Variants in TMEM117 observed in about 807,000 individuals in gnomAD.
The protein encoded by TMEM117 is transmembrane protein 117.
TMEM117 carries 27 observed loss-of-function variants against 52.4 expected under a neutral mutation model. The ratio of observed to expected loss-of-function variants is 0.51; its 90% CI spans 0.38 to 0.71. The LOEUF is 0.71. Ranked by LOEUF, TMEM117 falls within the 30% of genes least tolerant of loss-of-function variation. The pLI is 0.00. For missense variants in TMEM117, 556 were observed against 630.5 expected, an observed-to-expected ratio of 0.88 and a Z score of 1.26; for synonymous variants, 215 against 206.3, an observed-to-expected ratio of 1.04 and a Z score of -0.36.
intron 3 of TMEM117, among the ~76,000 whole-genome samples, chr12:44,080,844 GT>G (rs1305150487): frequency 2.0e-5 from 3 of 152,072 alleles, no homozygotes; most frequent in African/African-American, 7.2e-5. Flanking sequence ...GGCTACTTTT[GT>G]GCTTCCATGG....
intron 3 of TMEM117, among the ~76,000 whole-genome samples, chr12:44,096,602 A>G (rs1382404402): frequency 6.6e-6 from 1 of 151,490 alleles, no homozygotes; most frequent in Non-Finnish European, 1.5e-5. Flanking sequence ...TGAGAAAAAC[A>G]AGCAATGGGG....
intron 2 of TMEM117, among the ~76,000 whole-genome samples, chr12:43,898,411 C>T (rs1303133095): frequency 6.0e-5 from 9 of 149,964 alleles, no homozygotes; most frequent in African/African-American, 9.8e-5. Flanking sequence ...ATTAATAATA[C>T]ACTTCAGGAC....
chr12:44,161,055 A>G (rs1948891923), intron 4 of TMEM117, among the ~76,000 whole-genome samples: 2 of 152,156 alleles, frequency 1.3e-5, no homozygotes, highest in Non-Finnish European at 2.9e-5. Context: ...ATTGGCTATA[A>G]TCATGAAGTG....
intron 7 of TMEM117, among the ~76,000 whole-genome samples, chr12:44,382,980 G>GC: frequency 6.6e-6 from 1 of 152,258 alleles, no homozygotes; most frequent in Non-Finnish European, 1.5e-5. Context: ...AGGATGGATG[G>GC]CCAAGAAGAC....
chr12:44,105,581 T>G (rs1451614617), intron 3 of TMEM117, among the ~76,000 whole-genome samples: 3 of 151,912 alleles, frequency 2.0e-5, no homozygotes, highest in South Asian at 4.2e-4. Flanking sequence ...AATGTGGTAG[T>G]AAGGTGTGGG....
chr12:44,215,450 A>G (rs916755238), intron 5 of TMEM117, among the ~76,000 whole-genome samples: 5 of 150,842 alleles, frequency 3.3e-5, no homozygotes, highest in Admixed American at 6.6e-5. Flanking sequence ...TCTCTTCCAA[A>G]GCCCTTTCCG....
At position 43,968,827 on chromosome 12, in the gene TMEM117, G is replaced by A. The variant is rs115852119; in HGVS notation, c.410+24485G>A. Among the ~76,000 whole-genome samples, 1,076 of 152,240 alleles carry A rather than the reference G, an allele frequency of 7.1e-3. 10 individuals are homozygous for A. Among genetic ancestry groups the A allele is most frequent in the African/African-American group, 0.023 (963 of 41,518 alleles). On this transcript the variant is annotated intron_variant, in intron 3 of 7. Transcript: ENST00000266534. ...TTCAGTTATTTATGAGAAAGTACCC[G>A]TATTTAAAACTGTTTCCAGAATTGG...
chr12:44,260,158 A>G (rs1370118107), intron 5 of TMEM117, among the ~76,000 whole-genome samples: 1 of 152,200 alleles, frequency 6.6e-6, no homozygotes, highest in Non-Finnish European at 1.5e-5. Context: ...TGCCTTGGCC[A>G]CTAAGGCCAT....
chr12:43,887,119 G>A (rs566736777), intron 2 of TMEM117, among the ~76,000 whole-genome samples: 33 of 152,316 alleles, frequency 2.2e-4, no homozygotes, highest in African/African-American at 7.2e-4. Context: ...AAACTGCTGG[G>A]ATTACAGGTG....
intron 5 of TMEM117, among the ~76,000 whole-genome samples, chr12:44,279,834 C>T (rs755659474): frequency 2.0e-5 from 3 of 152,080 alleles, no homozygotes; most frequent in Non-Finnish European, 2.9e-5. Flanking sequence ...AAAGCAATCT[C>T]GTGTTGAAGA....
intron 4 of TMEM117, among the ~76,000 whole-genome samples, chr12:44,210,731 C>A (rs1380709316): frequency 6.6e-6 from 1 of 152,010 alleles, no homozygotes; most frequent in Non-Finnish European, 1.5e-5. Context: ...GGAAGATGGG[C>A]AGAATCTGTG....
intron 4 of TMEM117, among the ~76,000 whole-genome samples, chr12:44,172,734 C>CT (rs1366504172): frequency 7.2e-5 from 11 of 151,794 alleles, no homozygotes; most frequent in South Asian, 4.2e-4. Context: ...AAATCTTTCT[C>CT]TTTTTTTTGA....
chr12:43,943,360 C>T (rs1199839627), intron 2 of TMEM117, among the ~76,000 whole-genome samples: 1 of 151,974 alleles, frequency 6.6e-6, no homozygotes, highest in Non-Finnish European at 1.5e-5. Flanking sequence ...TTCTTACTCC[C>T]AAGGTTTTTT....
chr12:44,006,466 CCT>C (rs577218038), intron 3 of TMEM117, among the ~76,000 whole-genome samples: 182 of 152,174 alleles, frequency 1.2e-3, no homozygotes, highest in Admixed American at 1.9e-3. Flanking sequence ...AGTAAAATTC[CCT>C]GAGGCCTGGG....
At chr12:44,018,335 T>C (rs1192810477) in intron 3 of TMEM117, among the ~76,000 whole-genome samples, 1 of 152,210 alleles carries the variant, frequency 6.6e-6, no homozygotes, top group Non-Finnish European at 1.5e-5. Flanking sequence ...TTCAGATGAT[T>C]TGATAATGAT....
intron 3 of TMEM117, among the ~76,000 whole-genome samples, chr12:44,085,207 T>C (rs1226967999): frequency 6.6e-6 from 1 of 152,210 alleles, no homozygotes; most frequent in East Asian, 1.9e-4. Context: ...TTACACGTGT[T>C]TTGTTTCCAT....
intron 4 of TMEM117, among the ~76,000 whole-genome samples, chr12:44,199,338 C>A (rs139295113): frequency 6.6e-6 from 1 of 152,116 alleles, no homozygotes; most frequent in African/African-American, 2.4e-5. Flanking sequence ...TAGGAAATTT[C>A]AAAGCATATG....
intron 2 of TMEM117, among the ~76,000 whole-genome samples, chr12:43,925,614 A>G (rs1034678728): frequency 6.6e-6 from 1 of 152,106 alleles, no homozygotes; most frequent in Admixed American, 6.6e-5. Flanking sequence ...TTCCACATTT[A>G]TAAGCCCCCA....
intron 2 of TMEM117, among the ~76,000 whole-genome samples, chr12:43,911,560 A>G (rs1486615634): frequency 1.3e-5 from 2 of 150,370 alleles, no homozygotes; most frequent in African/African-American, 2.4e-5. Flanking sequence ...TGAACAGGCA[A>G]CCTACAGAAT....
Sources: gnomAD v4.1 joint callset for allele counts (sites outside exome capture counted in the v4.1 genomes callset) on GRCh38, gnomAD v4.1.1 for gene constraint, MANE v1.5 for transcripts, NCBI Gene and HGNC (gene_info 2026-07-23, HGNC 2026-07-21) for gene names.